NTRK2: variants seen among roughly 807,000 people sequenced by gnomAD.
NTRK2 encodes the protein neurotrophic receptor tyrosine kinase 2.
Under a neutral mutation model 94.5 loss-of-function variants are expected in NTRK2, and 13 were observed. The ratio of observed to expected loss-of-function variants is 0.14; its 90% CI spans 0.09 to 0.22. The LOEUF (loss-of-function observed/expected upper bound fraction) is 0.22. Among genes scored for constraint, NTRK2 ranks in the 10% least tolerant of loss-of-function variants. The pLI is 1.00. For synonymous variants in NTRK2, 372 were observed against 407.4 expected (o/e 0.91, Z 1.05); for missense variants, 639 against 1,071.2 (o/e 0.60, Z 5.63).
chr9:84,870,331 G>GTGTATATATATATATATATATATA (rs1349303529), intron 14 of NTRK2, among the ~76,000 whole-genome samples: 1 of 31,182 alleles, frequency 3.2e-5, no homozygotes, highest in Non-Finnish European at 6.8e-5. Flanking sequence ...GTGTGTGTGT[G>GTGTATATATATATATATATATATA]TATATATATA....
chr9:84,937,746 C>T (rs182174314), intron 15 of NTRK2, among the ~76,000 whole-genome samples: 39 of 152,218 alleles, frequency 2.6e-4, no homozygotes, highest in African/African-American at 9.2e-4. Context: ...AGTTACTTTA[C>T]CTTTAAGTAA....
intron 12 of NTRK2, among the ~76,000 whole-genome samples, chr9:84,844,824 A>T (rs2074383874): frequency 6.6e-6 from 1 of 152,078 alleles, no homozygotes; most frequent in Non-Finnish European, 1.5e-5. Context: ...AAACCCAAAG[A>T]GGAAGAGTAA....
intron 14 of NTRK2, among the ~76,000 whole-genome samples, chr9:84,918,720 A>T (rs2077471408): frequency 6.6e-6 from 1 of 152,208 alleles, no homozygotes; most frequent in African/African-American, 2.4e-5. Flanking sequence ...CATGTTGCGT[A>T]TGGTAGCCGA....
intron 12 of NTRK2, among the ~76,000 whole-genome samples, chr9:84,819,686 G>A (rs1343286440): frequency 6.6e-6 from 1 of 152,186 alleles, no homozygotes; most frequent in Non-Finnish European, 1.5e-5. Context: ...CTGTGGAGGC[G>A]CCAGCCTTAA....
At chr9:84,707,005 G>A (rs1778928) in intron 4 of NTRK2, among the ~76,000 whole-genome samples, 73,640 of 151,986 alleles carry the variant, frequency 0.48, 18,365 homozygotes, top group East Asian at 0.59. Context: ...CCCAAGCATC[G>A]GATACTCTTT....
intron 15 of NTRK2, among the ~76,000 whole-genome samples, chr9:84,943,865 C>A (rs1339591712): frequency 6.6e-6 from 1 of 152,060 alleles, no homozygotes; most frequent in Admixed American, 6.6e-5. Context: ...AAAATTCTGC[C>A]CTTACAGTGC....
chr9:85,020,493 C>T (rs936449570), intron 18 of NTRK2, 129 bp downstream of exon 18: 17 of 917,022 alleles, frequency 1.9e-5, no homozygotes, highest in Admixed American at 3.6e-5. Flanking sequence ...GGTGGCAGCA[C>T]TTCCCAAGTA....
intron 17 of NTRK2, among the ~76,000 whole-genome samples, chr9:84,972,827 C>T (rs1041639109): frequency 6.6e-6 from 1 of 152,108 alleles, no homozygotes; most frequent in Non-Finnish European, 1.5e-5. Flanking sequence ...AATAAGCAAT[C>T]ATATTCTCAT....
In NTRK2 at chr9:84,745,093, G is replaced by A. The variant is rs1225250140; in HGVS notation, c.1296+20G>A. The A allele has an allele frequency of 6.4e-7, 1 of 1,568,496 alleles. No homozygotes were observed. The highest frequency in any genetic ancestry group is 8.8e-7 in the Non-Finnish European group (1 of 1,138,350). On this transcript the variant is annotated intron_variant, in intron 11 of 18. Transcript: ENST00000277120. ...CTCTCGGTGAGTGGAATAAATAGGT[G>A]TCTGAATTGGTTCTGAGCATTTTGG...
intron 9 of NTRK2, among the ~76,000 whole-genome samples, chr9:84,734,985 G>A (rs1290489193): frequency 6.6e-6 from 1 of 152,052 alleles, no homozygotes; most frequent in African/African-American, 2.4e-5. Context: ...GCCTAGAAAT[G>A]TGCTGTTGGG....
rs140192287 is a variant in NTRK2 at position 84,926,308 on chromosome 9, A to G, written c.1634-7854A>G. 1.5e-4 allele frequency among the ~76,000 whole-genome samples: 23 copies of G among 151,090 alleles called. No homozygotes were observed. In the East Asian group the frequency reaches 3.3e-3, roughly 22 times the overall value. ...AGTGCAATGGCGTGATCTCAGCTCA[A>G]TGCAACCTCTCCCTCCCGGGTTCAA... is the stretch of plus-strand genomic sequence containing the variant. On this transcript the variant is annotated intron_variant, in intron 14 of 18. Coordinates refer to ENST00000277120, the MANE Select transcript of NTRK2 (RefSeq NM_006180.6).
chr9:84,930,527 G>A (rs1204247644), intron 14 of NTRK2, among the ~76,000 whole-genome samples: 3 of 152,186 alleles, frequency 2.0e-5, no homozygotes, highest in Non-Finnish European at 4.4e-5. Flanking sequence ...GAAGTACCAG[G>A]GGATGAGGGA....
At chr9:84,807,739 G>A (rs997360676) in intron 12 of NTRK2, among the ~76,000 whole-genome samples, 1 of 152,164 alleles carries the variant, frequency 6.6e-6, no homozygotes, top group African/African-American at 2.4e-5. Context: ...GGTCTTTTGA[G>A]TTTTTTATAA....
intron 12 of NTRK2, among the ~76,000 whole-genome samples, chr9:84,833,645 G>A (rs1227776453): frequency 6.6e-6 from 1 of 150,610 alleles, no homozygotes. Context: ...GAAGGAAGGA[G>A]GGAGGCAGGG....
chr9:84,741,513 T>G, intron 9 of NTRK2, among the ~76,000 whole-genome samples: 1 of 152,124 alleles, frequency 6.6e-6, no homozygotes, highest in East Asian at 1.9e-4. Flanking sequence ...ATAACAAAAG[T>G]GGTACGAAAA....
chr9:84,878,406 T>C (rs1198120326), intron 14 of NTRK2, among the ~76,000 whole-genome samples: 1 of 151,634 alleles, frequency 6.6e-6, no homozygotes, highest in Non-Finnish European at 1.5e-5. Context: ...GAGGCTGAGG[T>C]GGGCAGATCA....
intron 8 of NTRK2, among the ~76,000 whole-genome samples, chr9:84,724,566 C>T (rs1215125526): frequency 6.6e-6 from 1 of 152,124 alleles, no homozygotes; most frequent in Non-Finnish European, 1.5e-5. Context: ...TTCTTTTAAG[C>T]TTCTTTTTCG....
At chr9:84,721,345 T>G (rs2131987497) in intron 6 of NTRK2, among the ~76,000 whole-genome samples, 1 of 152,080 alleles carries the variant, frequency 6.6e-6, no homozygotes, top group South Asian at 2.1e-4. Flanking sequence ...ACGGCTAATT[T>G]TTTGTATTTT....
At chr9:84,979,556 CATT>C (rs1379366073) in intron 17 of NTRK2, among the ~76,000 whole-genome samples, 1 of 152,102 alleles carries the variant, frequency 6.6e-6, no homozygotes, top group Non-Finnish European at 1.5e-5. Flanking sequence ...GTGTTGTAAA[CATT>C]GTTGAAATTA....
Sources: gnomAD v4.1 joint callset for allele counts (sites outside exome capture counted in the v4.1 genomes callset) on GRCh38, gnomAD v4.1.1 for gene constraint, MANE v1.5 for transcripts, NCBI Gene and HGNC (gene_info 2026-07-23, HGNC 2026-07-21) for gene names.